ZNF610: variants seen among roughly 807,000 people sequenced by gnomAD.
The protein encoded by ZNF610 is zinc finger protein 610, also known as zink finger protein.
A neutral mutation model predicts 14.1 loss-of-function variants in ZNF610; 14 were observed. The ratio of observed to expected loss-of-function variants is 0.99; its 90% CI spans 0.65 to 1.55. The LOEUF is 1.55. ZNF610 is among the 40% of genes most tolerant of loss of function. ZNF610 has a pLI of 0.00. For synonymous variants in ZNF610, 185 were observed against 187.6 expected (o/e 0.99, Z 0.11); for missense variants, 530 against 558.0 (o/e 0.95, Z 0.51).
At position 52,366,705 on chromosome 19, in the gene ZNF610, C is replaced by G. The variant is rs375474425; in HGVS notation, c.1327C>G (p.Leu443Val). 2.4e-5 allele frequency: 38 copies of G among 1,614,156 alleles called. No homozygotes were observed. In the East Asian group the frequency reaches 6.5e-4, roughly 27 times the overall value. ...CGKVFNQNPHLSRHRKIHAGE... is the reference protein window; with the variant it reads ...CGKVFNQNPHVSRHRKIHAGE... ...CAAGGTCTTCAATCAAAATCCACAC[C>G]TTTCACGACATCGGAAAATTCATGC... The change falls in exon 6 of 6, where the codon CTT becomes GTT. Residue 443 changes from leucine to valine, a missense_variant. Coordinates refer to ENST00000403906, the MANE Select transcript of ZNF610 (RefSeq NM_001161425.2).
At chr19:52,360,051 A>T (rs1985706906) in intron 5 of ZNF610, among the ~76,000 whole-genome samples, 1 of 152,234 alleles carries the variant, frequency 6.6e-6, no homozygotes, top group Non-Finnish European at 1.5e-5. Flanking sequence ...ACCAGCATCC[A>T]GGAAGCTCCA....
chr19:52,353,203 G>A (rs1443819406), intron 3 of ZNF610, among the ~76,000 whole-genome samples: 1 of 152,222 alleles, frequency 6.6e-6, no homozygotes, highest in East Asian at 1.9e-4. Flanking sequence ...GCCTCCCGAA[G>A]TGCTGGAGTT....
chr19:52,360,198 A>G (rs1371909495), intron 5 of ZNF610, among the ~76,000 whole-genome samples: 1 of 152,160 alleles, frequency 6.6e-6, no homozygotes, highest in East Asian at 1.9e-4. Context: ...AATCAGAAAG[A>G]TGGGAGATTA....
chr19:52,356,287 T>G (rs570450457), intron 5 of ZNF610, among the ~76,000 whole-genome samples: 1 of 152,172 alleles, frequency 6.6e-6, no homozygotes, highest in African/African-American at 2.4e-5. Context: ...GTGGGGCAGA[T>G]AGTCAACAGA....
intron 1 of ZNF610, 42 bp from the exon 2 acceptor site, chr19:52,347,665 T>G (rs1420229851): frequency 6.6e-6 from 1 of 152,150 alleles, no homozygotes; most frequent in African/African-American, 2.4e-5. Flanking sequence ...TACAGATGTG[T>G]TCCACCATGC....
intron 5 of ZNF610, among the ~76,000 whole-genome samples, chr19:52,363,568 T>C (rs1985887117): frequency 6.6e-6 from 1 of 152,224 alleles, no homozygotes; most frequent in Non-Finnish European, 1.5e-5. Context: ...TATATATTTA[T>C]AGTTGTTATA....
chr19:52,346,825 G>A (rs964838795), intron 1 of ZNF610, among the ~76,000 whole-genome samples: 1 of 151,996 alleles, frequency 6.6e-6, no homozygotes, highest in Non-Finnish European at 1.5e-5. Flanking sequence ...CACCTCCAGG[G>A]TTCAAGCAAT....
chr19:52,334,137 G>A (rs1262656895), upstream of ZNF610, among the ~76,000 whole-genome samples: 2 of 151,958 alleles, frequency 1.3e-5, no homozygotes, highest in East Asian at 1.9e-4. Context: ...AACGGGTCAG[G>A]GTATATGGAA....
chr19:52,365,880 T>G lies in ZNF610; in HGVS notation c.502T>G (p.Ser168Ala), dbSNP rs1986002179. Reference sequence around the variant, plus strand: ...CTCAGTTTCACCACTTCAAAAAATTTCTTCTAGTTTCACAACACACATTTT... The same window carrying G: ...CTCAGTTTCACCACTTCAAAAAATTGCTTCTAGTTTCACAACACACATTTT... ...RSSVSPLQKI[S>A]SSFTTHIFNK... Residue 168 changes from serine (S) to alanine (A), a missense_variant, in exon 6 of 6, where the codon TCT becomes GCT. Physicochemically the swap from Ser to Ala is moderately conservative, Grantham distance 99. Coordinates refer to ENST00000403906, the MANE Select transcript of ZNF610 (RefSeq NM_001161425.2). 1.9e-6 allele frequency: 3 copies of G among 1,613,242 alleles called. No homozygotes were observed. Among genetic ancestry groups the G allele is most frequent in the African/African-American group, 2.7e-5 (2 of 74,868 alleles).
chr19:52,346,611 A>G (rs899019851), intron 1 of ZNF610, among the ~76,000 whole-genome samples: 1 of 152,168 alleles, frequency 6.6e-6, no homozygotes, highest in African/African-American at 2.4e-5. Context: ...AAAGGTGTTT[A>G]TTAATAGAAA....
rs1015760750 is a variant in ZNF610, at chr19:52,366,736, A to G, written c.1358A>G (p.Glu453Gly). The part of the protein sequence containing the change: ...LSRHRKIHAG[E>G]NSLRTLQME ...CGACATCGGAAAATTCATGCTGGAG[A>G]GAATTCACTGCGTACCTTACAGATG... Residue 453 changes from glutamate (E) to glycine (G), a missense_variant, in exon 6 of 6, where the codon GAG becomes GGG. Physicochemically the swap from Glu to Gly is moderately conservative, Grantham distance 98. Transcript: ENST00000403906. 6.2e-7 allele frequency: 1 copy of G among 1,614,062 alleles called. No individual in the cohort carries two copies. Among genetic ancestry groups the G allele is most frequent in the South Asian group, 1.1e-5 (1 of 91,080 alleles).
rs139352466 is a variant in ZNF610, at chr19:52,338,409, C to T, written c.-258+1903C>T. 2.0e-3 allele frequency among the ~76,000 whole-genome samples: 306 copies of T among 152,290 alleles called. 6 individuals carry two copies. The East Asian group carries it at 0.029, about 14-fold the overall frequency. On this transcript the variant is annotated intron_variant, in intron 1 of 5. Transcript: ENST00000403906. ...CAAAATGAGGGGCTTTTGGACCAGGCGCAGTGGCTCTTGCTTCTAATCCCA... is the reference window on the plus strand; with the variant it reads ...CAAAATGAGGGGCTTTTGGACCAGGTGCAGTGGCTCTTGCTTCTAATCCCA...
In ZNF610 at chr19:52,367,103, A is replaced by G. The variant is rs977816207; in HGVS notation, c.*336A>G. On this transcript the variant is annotated 3_prime_UTR_variant, in exon 6 of 6. Coordinates refer to ENST00000403906, the MANE Select transcript of ZNF610 (RefSeq NM_001161425.2). The stretch of plus-strand genomic sequence containing the variant: ...ACATACTTCTCATGTTTTAAGTAAT[A>G]AAGTTTAAAGTTTTTTTTTAGTTTT... 4.3e-5 allele frequency: 8 copies of G among 185,522 alleles called. No individual in the cohort carries two copies. Among genetic ancestry groups the G allele is most frequent in the Non-Finnish European group, 6.4e-5 (7 of 110,080 alleles). 11.5% of individuals were successfully genotyped at this position (185,522 alleles called of 1,614,324 possible).
upstream of ZNF610, among the ~76,000 whole-genome samples, chr19:52,335,416 C>A (rs1984330520): frequency 6.6e-6 from 1 of 152,184 alleles, no homozygotes; most frequent in Non-Finnish European, 1.5e-5. Flanking sequence ...ACGGAGATGC[C>A]CCGTTCGTTC....
intron 3 of ZNF610, among the ~76,000 whole-genome samples, chr19:52,350,884 C>CA (rs1219376616): frequency 1.3e-5 from 2 of 151,924 alleles, no homozygotes; most frequent in African/African-American, 4.8e-5. Flanking sequence ...CCTGTAATCC[C>CA]AGCTCCTTGG....
intron 1 of ZNF610, among the ~76,000 whole-genome samples, chr19:52,345,798 G>A (rs755336027): frequency 2.0e-5 from 3 of 151,778 alleles, no homozygotes; most frequent in East Asian, 1.9e-4. Flanking sequence ...TCCGTCTCCC[G>A]GGTTCACACC....
Position 52,353,692 on chromosome 19 carries a change from C to T in ZNF610, c.74C>T (p.Thr25Ile). The change falls in exon 4 of 6, where the codon ACA becomes ATA. Residue 25 changes from threonine (T) to isoleucine (I), a missense_variant. By Grantham distance (89) the Thr-to-Ile change is moderately conservative. Transcript: ENST00000403906. Reference sequence around the variant, plus strand: ...TGGTCCTCATTTTAGGGACGCTTGACATTCATGGACGTGGCCATCGAATTC... The same window carrying T: ...TGGTCCTCATTTTAGGGACGCTTGATATTCATGGACGTGGCCATCGAATTC... The part of the protein sequence containing the change: ...SGMALPQGRL[T>I]FMDVAIEFSQ... 6.2e-7 allele frequency: 1 copy of T among 1,613,814 alleles called. No individual in the cohort carries two copies. Among genetic ancestry groups the T allele is most frequent in the Non-Finnish European group, 8.5e-7 (1 of 1,179,858 alleles).
intron 3 of ZNF610, among the ~76,000 whole-genome samples, chr19:52,352,129 T>C (rs912134981): frequency 1.3e-5 from 2 of 152,076 alleles, no homozygotes; most frequent in African/African-American, 4.8e-5. Flanking sequence ...AGGTCTGGAG[T>C]GTCTTTTAGT....
chr19:52,338,476 G>C (rs544268422), intron 1 of ZNF610, among the ~76,000 whole-genome samples: 47 of 152,276 alleles, frequency 3.1e-4, no homozygotes, highest in African/African-American at 1.1e-3. Context: ...CTTAAGGTCA[G>C]GAGTTCAAGA....
Sources: allele counts gnomAD v4.1 joint callset (sites outside exome capture counted in the v4.1 genomes callset), GRCh38; gene constraint gnomAD v4.1.1; transcripts MANE v1.5; gene names NCBI Gene and HGNC (gene_info 2026-07-23, HGNC 2026-07-21).